Variants in PTPRN2 observed in about 807,000 individuals in gnomAD.
PTPRN2 encodes the protein protein tyrosine phosphatase receptor type N2.
A neutral mutation model predicts 118.8 loss-of-function variants in PTPRN2; 74 were observed. The ratio of observed to expected loss-of-function variants is 0.62; its 90% CI spans 0.52 to 0.76. PTPRN2 has a LOEUF of 0.76. Ranked by LOEUF, PTPRN2 falls within the 30% of genes least tolerant of loss-of-function variation. PTPRN2 has a pLI of 0.00. For synonymous variants in PTPRN2, 641 were observed against 608.0 expected (o/e 1.05, Z -0.80); for missense variants, 1,481 against 1,394.4 (o/e 1.06, Z -0.99).
intron 3 of PTPRN2, among the ~76,000 whole-genome samples, chr7:158,215,884 C>G (rs1478128603): frequency 3.3e-5 from 5 of 152,058 alleles, no homozygotes; most frequent in Non-Finnish European, 7.4e-5. Context: ...ATTTATGTCT[C>G]CATATAGAAG....
chr7:158,325,140 T>C, intron 2 of PTPRN2, among the ~76,000 whole-genome samples: 1 of 134,224 alleles, frequency 7.5e-6, no homozygotes, highest in South Asian at 2.4e-4. Flanking sequence ...TCCCCACAAT[T>C]CTCCACAGAG....
chr7:157,958,086 G>C (rs1210015332), intron 11 of PTPRN2, among the ~76,000 whole-genome samples: 2 of 152,130 alleles, frequency 1.3e-5, no homozygotes, highest in East Asian at 3.9e-4. Context: ...ATGCAAGAAT[G>C]GTTCAACACA....
intron 2 of PTPRN2, among the ~76,000 whole-genome samples, chr7:158,484,625 A>C (rs1303113371): frequency 6.6e-6 from 1 of 152,162 alleles, no homozygotes; most frequent in African/African-American, 2.4e-5. Context: ...GGCCTCCTGA[A>C]GTGCTGGGAT....
At chr7:158,450,096 G>C (rs899236890) in intron 2 of PTPRN2, among the ~76,000 whole-genome samples, 3 of 152,224 alleles carry the variant, frequency 2.0e-5, no homozygotes, top group Admixed American at 2.0e-4. Flanking sequence ...ACATGGAGGA[G>C]AGAGGACTCT....
intron 1 of PTPRN2, among the ~76,000 whole-genome samples, chr7:158,553,787 C>T (rs1045774522): frequency 3.3e-5 from 5 of 152,138 alleles, no homozygotes; most frequent in African/African-American, 1.2e-4. Context: ...CACCACCCTT[C>T]CTGCATTTGG....
In PTPRN2 at chr7:158,184,809, G is replaced by A. The variant is rs75311404; in HGVS notation, c.549+7518C>T. On this transcript the variant is annotated intron_variant, in intron 5 of 22. Coordinates refer to ENST00000389418, the MANE Select transcript of PTPRN2 (RefSeq NM_002847.5). ...GCCTGGGCAAGAAGAATGAACTTCC[G>A]TCTCAAAAGAAAAAAAAAAGATCTT... Among the ~76,000 whole-genome samples, 1,084 of 151,866 alleles carry A rather than the reference G, an allele frequency of 7.1e-3. 17 individuals carry two copies. Among genetic ancestry groups the A allele is most frequent in the East Asian group, 0.061 (313 of 5,164 alleles).
At chr7:158,532,848 G>A (rs1337615420) in intron 1 of PTPRN2, 2 of 533,170 alleles carry the variant, frequency 3.8e-6, no homozygotes, top group South Asian at 2.8e-5. Flanking sequence ...AGAGAATGTG[G>A]CCCGTGCTGC....
At chr7:158,155,755 C>T (rs1165135117) in intron 6 of PTPRN2, among the ~76,000 whole-genome samples, 284 of 23,868 alleles carry the variant, frequency 0.012, no homozygotes, top group Admixed American at 0.036. Flanking sequence ...TCACCATCAC[C>T]ATCATCATCA....
chr7:158,333,617 G>C (rs1209808473), intron 2 of PTPRN2, among the ~76,000 whole-genome samples: 1 of 150,396 alleles, frequency 6.6e-6, no homozygotes, highest in Admixed American at 6.6e-5. Flanking sequence ...CACTATAAGA[G>C]GTGACACCTA....
chr7:158,482,037 C>T (rs770882998), intron 2 of PTPRN2, among the ~76,000 whole-genome samples: 1 of 152,158 alleles, frequency 6.6e-6, no homozygotes, highest in Non-Finnish European at 1.5e-5. Flanking sequence ...AGCAAGGGAA[C>T]CAGCATTAGC....
intron 3 of PTPRN2, among the ~76,000 whole-genome samples, chr7:158,315,762 A>G (rs556179619): frequency 3.3e-5 from 5 of 152,372 alleles, no homozygotes; most frequent in Non-Finnish European, 7.3e-5. Flanking sequence ...GGGAAGAGAC[A>G]TATTAGATAG....
intron 2 of PTPRN2, among the ~76,000 whole-genome samples, chr7:158,357,194 G>A (rs1415428716): frequency 6.6e-6 from 1 of 152,240 alleles, no homozygotes; most frequent in Non-Finnish European, 1.5e-5. Flanking sequence ...AGTTTACTGG[G>A]GGAAAGCATC....
At position 158,495,507 on chromosome 7, in the gene PTPRN2, G is replaced by A. The variant is rs576668538; in HGVS notation, c.113-5722C>T. ...ACTGCAGGGGGGGTAAGAGTGAAGC[G>A]CCTGCCTGCTGGCAGGTGGGCATTG... On this transcript the variant is annotated intron_variant, in intron 1 of 22. Coordinates refer to ENST00000389418, the MANE Select transcript of PTPRN2 (RefSeq NM_002847.5). Among the ~76,000 whole-genome samples, 6 of 152,156 alleles carry A rather than the reference G, an allele frequency of 3.9e-5. No homozygotes were observed. The South Asian group carries it at 8.3e-4, about 21-fold the overall frequency.
intron 12 of PTPRN2, among the ~76,000 whole-genome samples, chr7:157,799,056 C>T (rs1028961439): frequency 9.2e-5 from 14 of 152,222 alleles, no homozygotes; most frequent in Non-Finnish European, 1.6e-4. Flanking sequence ...CTAAATGTGA[C>T]TGAATAACGT....
intron 12 of PTPRN2, among the ~76,000 whole-genome samples, chr7:157,708,141 A>G (rs73516846): frequency 0.034 from 5,226 of 152,260 alleles, 303 homozygotes; most frequent in African/African-American, 0.12. Context: ...AGGCTGGAGA[A>G]AGGTGCTTTG....
chr7:158,277,376 G>C (rs1799089705), intron 3 of PTPRN2, among the ~76,000 whole-genome samples: 1 of 152,210 alleles, frequency 6.6e-6, no homozygotes, highest in Non-Finnish European at 1.5e-5. Flanking sequence ...GACCACAGAG[G>C]AATGTGCTCC....
At chr7:157,683,777 G>T (rs566251196) in intron 12 of PTPRN2, among the ~76,000 whole-genome samples, 2 of 152,226 alleles carry the variant, frequency 1.3e-5, no homozygotes, top group South Asian at 4.2e-4. Context: ...AACTTCATTA[G>T]AAGGTATATT....
At chr7:158,002,870 C>G (rs1805373762) in intron 11 of PTPRN2, among the ~76,000 whole-genome samples, 1 of 152,198 alleles carries the variant, frequency 6.6e-6, no homozygotes, top group Admixed American at 6.5e-5. Context: ...ACCACCCTGG[C>G]GTGGACACGG....
intron 20 of PTPRN2, among the ~76,000 whole-genome samples, chr7:157,570,279 ACTTCAAAAAT>A (rs11276761): frequency 0.034 from 5,172 of 152,274 alleles, 209 homozygotes; most frequent in East Asian, 0.13. Flanking sequence ...TTTAAGATAT[ACTTCAAAAAT>A]CTTCCAACTA....
Sources: gnomAD v4.1 joint callset for allele counts (sites outside exome capture counted in the v4.1 genomes callset) on GRCh38, gnomAD v4.1.1 for gene constraint, MANE v1.5 for transcripts, NCBI Gene and HGNC (gene_info 2026-07-23, HGNC 2026-07-21) for gene names.